REG1B: variants seen among roughly 807,000 people sequenced by gnomAD.
The protein encoded by REG1B is lithostathine-1-beta.
Under a neutral mutation model 20.4 loss-of-function variants are expected in REG1B, and 21 were observed. The ratio of observed to expected loss-of-function variants is 1.03; its 90% CI spans 0.73 to 1.48. The LOEUF is 1.48. Ranked by LOEUF, REG1B falls within the 40% of genes most tolerant of loss-of-function variation. REG1B has a pLI of 0.00. For synonymous variants in REG1B, 82 were observed against 73.4 expected (o/e 1.12, Z -0.60); for missense variants, 247 against 197.2 (o/e 1.25, Z -1.51).
At chr2:79,085,630 G>T in intron 4 of REG1B, 27 bp from the exon 5 acceptor site, 2 of 1,475,160 alleles carry the variant, frequency 1.4e-6, no homozygotes, top group Non-Finnish European at 1.9e-6. Flanking sequence ...CAGAACAGGG[G>T]CCATGGTCAC....
Position 79,085,560 on chromosome 2 carries a change from T to G in REG1B, c.365A>C (p.Lys122Thr). The G allele has an allele frequency of 6.2e-7, 1 of 1,613,744 alleles. No individual in the cohort carries two copies. Among genetic ancestry groups the G allele is most frequent in the Non-Finnish European group, 8.5e-7 (1 of 1,179,846 alleles). The change falls in exon 5 of 6, where the codon AAG becomes ACG. Residue 122 changes from lysine to threonine, a missense_variant. Coordinates refer to ENST00000305089, the MANE Select transcript of REG1B (RefSeq NM_006507.4). ...HWSSGSLVSY[K>T]SWDTGSPSSA... ...GCTCGGGGATCCAGTGTCCCAGGAC[T>G]TGTAGGAGACCAGGGACCCACTACT...
intron 4 of REG1B, 91 bp from the exon 5 acceptor site, chr2:79,085,694 T>A (rs1573184862): frequency 4.2e-6 from 3 of 719,312 alleles, no homozygotes; most frequent in Non-Finnish European, 7.2e-6. Context: ...ACAGGCCAAG[T>A]TATAGCAGAA....
rs1184987523 is a variant in REG1B, at chr2:79,085,058, G to T, written c.*158C>A. On this transcript the variant is annotated 3_prime_UTR_variant, in exon 6 of 6. Coordinates refer to ENST00000305089, the MANE Select transcript of REG1B (RefSeq NM_006507.4). ...AAATAAGTTTGTTTTTATTTTTCAG[G>T]GCTCTAGAGACTGAGACAGGTGAAG... 1 of 624,918 alleles carries T rather than the reference G, an allele frequency of 1.6e-6. No individual in the cohort carries two copies. Among genetic ancestry groups the T allele is most frequent in the Admixed American group, 2.9e-5 (1 of 34,238 alleles). 38.7% of individuals were successfully genotyped at this position (624,918 alleles called of 1,614,324 possible). A position where few individuals can be genotyped will look rare whatever the true frequency, so the allele number is the denominator to read the frequency against.
In REG1B at chr2:79,085,630, G is replaced by A. The variant is rs200506279; in HGVS notation, c.322-27C>T. 4.3e-5 allele frequency: 64 copies of A among 1,475,164 alleles called. No homozygotes were observed. The African/African-American group carries it at 8.3e-4, about 19-fold the overall frequency. 91.4% of individuals were successfully genotyped at this position (1,475,164 alleles called of 1,614,324 possible). On this transcript the variant is annotated intron_variant, in intron 4 of 5. Coordinates refer to ENST00000305089, the MANE Select transcript of REG1B (RefSeq NM_006507.4). ...TAGATGGAGAAGGGCCAGAACAGGG[G>A]CCATGGTCACTCAAAAATCAATAGA... is the stretch of plus-strand genomic sequence containing the variant.
At chr2:79,085,838 A>G in intron 4 of REG1B, 1 of 368,870 alleles carries the variant, frequency 2.7e-6, no homozygotes, top group Non-Finnish European at 4.9e-6. Context: ...TGATACAGAG[A>G]CCCATAAAAG....
At position 79,085,119 on chromosome 2, in the gene REG1B, G is replaced by A. The variant is rs1279111147; in HGVS notation, c.*97C>T. 4.9e-6 allele frequency: 4 copies of A among 816,666 alleles called. No individual in the cohort carries two copies. Among genetic ancestry groups the A allele is most frequent in the Non-Finnish European group, 8.5e-6 (4 of 470,350 alleles). 50.6% of individuals were successfully genotyped at this position (816,666 alleles called of 1,614,324 possible). A position where few individuals can be genotyped will look rare whatever the true frequency, so the allele number is the denominator to read the frequency against. ...TCAGCGATGCAAACTCATTAGGGAGGAGATGGTCTGAACTGAGTTGGAGAC... is the reference window on the plus strand; with the variant it reads ...TCAGCGATGCAAACTCATTAGGGAGAAGATGGTCTGAACTGAGTTGGAGAC... On this transcript the variant is annotated 3_prime_UTR_variant, in exon 6 of 6. Coordinates refer to ENST00000305089, the MANE Select transcript of REG1B (RefSeq NM_006507.4).
rs911324392 is a variant in REG1B at position 79,085,036 on chromosome 2, TAA to T, written c.*178_*179del. On this transcript the variant is annotated 3_prime_UTR_variant, in exon 6 of 6. Coordinates refer to ENST00000305089, the MANE Select transcript of REG1B (RefSeq NM_006507.4). ...CAGAAGACAGAACACTGGATAAAAA[TAA>T]GTTTGTTTTTATTTTTCAGGGCTCT... The T allele has an allele frequency of 1.7e-6, 1 of 595,446 alleles. No homozygotes were observed. The highest frequency in any genetic ancestry group is 3.0e-6 in the Non-Finnish European group (1 of 332,812). The allele number at this position is 595,446 out of a possible 1,614,324, so 36.9% of individuals were successfully genotyped here.
chr2:79,087,004 C>T, intron 2 of REG1B, 74 bp from the exon 3 acceptor site: 1 of 1,207,516 alleles, frequency 8.3e-7, no homozygotes, highest in South Asian at 1.2e-5. Flanking sequence ...GAATTAGGGG[C>T]TTCTTGGTGT....
Position 79,086,730 on chromosome 2 carries a change from T to C in REG1B, c.183+82A>G, listed in dbSNP as rs72913219. Reference sequence around the variant, plus strand: ...TAGGGAAGGGATCAATCTTATCTCATTGCAGCCACAGAACACACTGCAAAT... The same window carrying C: ...TAGGGAAGGGATCAATCTTATCTCACTGCAGCCACAGAACACACTGCAAAT... On this transcript the variant is annotated intron_variant, in intron 3 of 5. Transcript: ENST00000305089. 1.0e-3 allele frequency: 1,465 copies of C among 1,403,876 alleles called. 15 individuals are homozygous for C. In the African/African-American group the frequency reaches 0.018, roughly 17 times the overall value. The allele number at this position is 1,403,876 out of a possible 1,614,324, so 87.0% of individuals were successfully genotyped here. A position where few individuals can be genotyped will look rare whatever the true frequency, so the allele number is the denominator to read the frequency against.
intron 2 of REG1B, 34 bp downstream of exon 2, chr2:79,087,515 T>A: frequency 6.2e-7 from 1 of 1,604,714 alleles, no homozygotes; most frequent in African/African-American, 1.3e-5. Flanking sequence ...GAATTCAGAG[T>A]TGGGGTTGTG....
chr2:79,085,288 G>A lies in REG1B; in HGVS notation c.434-5C>T, dbSNP rs3739144. On this transcript the variant is annotated splice_region_variant and splice_polypyrimidine_tract_variant and intron_variant, in intron 5 of 5. Coordinates refer to ENST00000305089, the MANE Select transcript of REG1B (RefSeq NM_006507.4). ...CATCCTTCCATTTCTTGAATCCTATGGTACAATGAGAAGTGTCAGACATAG... is the reference window on the plus strand; with the variant it reads ...CATCCTTCCATTTCTTGAATCCTATAGTACAATGAGAAGTGTCAGACATAG... 0.71 allele frequency: 1,135,307 copies of A among 1,601,966 alleles called. 404,735 individuals carry two copies. The highest frequency in any genetic ancestry group is 0.78 in the Admixed American group (46,641 of 59,896).
chr2:79,087,029 T>C (rs1482430476), intron 2 of REG1B, 99 bp from the exon 3 acceptor site: 1 of 928,186 alleles, frequency 1.1e-6, no homozygotes, highest in Non-Finnish European at 1.7e-6. Flanking sequence ...TATAAGAACA[T>C]ATGGATACAG....
chr2:79,085,396 A>C, intron 5 of REG1B, 96 bp downstream of exon 5: 2 of 1,358,312 alleles, frequency 1.5e-6, no homozygotes, highest in Non-Finnish European at 2.1e-6. Context: ...TTTCCAGATA[A>C]GGAGCTTACC....
At position 79,087,062 on chromosome 2, in the gene REG1B, C is replaced by T; in HGVS notation, c.65-132G>A. The T allele has an allele frequency of 4.2e-6, 3 of 718,752 alleles. No individual in the cohort carries two copies. In the South Asian group the frequency reaches 5.1e-5, roughly 12 times the overall value. 44.5% of individuals were successfully genotyped at this position (718,752 alleles called of 1,614,324 possible). ...CAGTGAATACTGGGGCGATTGCTCA[C>T]TTCTGCCCTCCTGCATCCTATCTCT... On this transcript the variant is annotated intron_variant, in intron 2 of 5. Coordinates refer to ENST00000305089, the MANE Select transcript of REG1B (RefSeq NM_006507.4).
intron 1 of REG1B, 37 bp from the exon 2 acceptor site, chr2:79,087,695 G>A (rs1672420168): frequency 2.2e-6 from 3 of 1,344,144 alleles, no homozygotes; most frequent in Non-Finnish European, 3.1e-6. Flanking sequence ...TTGAAGAAGA[G>A]AGCAGAGCAC....
chr2:79,086,069 T>A (rs1007611123), intron 4 of REG1B: 1 of 386,114 alleles, frequency 2.6e-6, no homozygotes, highest in Admixed American at 4.3e-5. Context: ...CAGAGGGACC[T>A]CTTCCAAGAC....
rs1411964848 is a variant in REG1B, at chr2:79,085,776, A to G, written c.322-173T>C. ...TTTTGCTCTAAGCTTCTCCTTCTCT[A>G]GAATGTCCGAATTCCTCCTCCTCTT... On this transcript the variant is annotated intron_variant, in intron 4 of 5. Transcript: ENST00000305089. The G allele has an allele frequency of 1.1e-5, 5 of 464,452 alleles. No homozygotes were observed. In the Admixed American group the frequency reaches 1.6e-4, roughly 14 times the overall value. The allele number at this position is 464,452 out of a possible 1,614,324, so 28.8% of individuals were successfully genotyped here.
At position 79,085,286 on chromosome 2, in the gene REG1B, A is replaced by G. The variant is rs1414642442; in HGVS notation, c.434-3T>C. Reference sequence around the variant, plus strand: ...TTCATCCTTCCATTTCTTGAATCCTATGGTACAATGAGAAGTGTCAGACAT... The same window carrying G: ...TTCATCCTTCCATTTCTTGAATCCTGTGGTACAATGAGAAGTGTCAGACAT... On this transcript the variant is annotated splice_region_variant and splice_polypyrimidine_tract_variant and intron_variant, in intron 5 of 5. Coordinates refer to ENST00000305089, the MANE Select transcript of REG1B (RefSeq NM_006507.4). 2 of 1,606,990 alleles carry G rather than the reference A, an allele frequency of 1.2e-6. No individual in the cohort carries two copies. Among genetic ancestry groups the G allele is most frequent in the Non-Finnish European group, 1.7e-6 (2 of 1,173,606 alleles).
chr2:79,087,849 G>A (rs905108268), intron 1 of REG1B, 110 bp downstream of exon 1: 1 of 432,716 alleles, frequency 2.3e-6, no homozygotes, highest in Non-Finnish European at 4.1e-6. Context: ...TCTTGCTTAA[G>A]TTTCATTACT....
Sources: gnomAD v4.1 joint callset for allele counts on GRCh38, gnomAD v4.1.1 for gene constraint, MANE v1.5 for transcripts, NCBI Gene and HGNC (gene_info 2026-07-23, HGNC 2026-07-21) for gene names.